ACLY: variants seen among roughly 807,000 people sequenced by gnomAD.
The protein encoded by ACLY is ATP citrate lyase, also known as ATP-citrate synthase.
A neutral mutation model predicts 133.0 loss-of-function variants in ACLY; 41 were observed. The ratio of observed to expected loss-of-function variants is 0.31; its 90% CI spans 0.24 to 0.40. The LOEUF (loss-of-function observed/expected upper bound fraction) is 0.40. Among genes scored for constraint, ACLY ranks in the 10% least tolerant of loss-of-function variants. The probability of loss-of-function intolerance (pLI) is 1.00; values close to 1 mark genes in which losing one functional copy is unlikely to be tolerated. For synonymous variants in ACLY, 495 were observed against 549.3 expected (o/e 0.90, Z 1.38); for missense variants, 1,046 against 1,453.8 (o/e 0.72, Z 4.56).
rs782216342 is a variant in ACLY, at chr17:41,867,873, C to T, written c.3243G>A (p.Gln1081=). 6.2e-7 allele frequency: 1 copy of T among 1,611,208 alleles called. No homozygotes were observed. The highest frequency in any genetic ancestry group is 8.5e-7 in the Non-Finnish European group (1 of 1,178,684). ...CATCCCACGGATGACGATACAGCCCCTGCTTCAGCCTCTTCTGATCAAGAT... is the reference window on the plus strand; with the variant it reads ...CATCCCACGGATGACGATACAGCCCTTGCTTCAGCCTCTTCTGATCAAGAT... The part of the protein sequence containing the change: ...GHYLDQKRLK[Q]GLYRHPWDDI... The change falls in exon 29 of 29, where the codon CAG becomes CAA. Residue 1081 remains glutamine (Q), a synonymous_variant. Coordinates refer to ENST00000352035, the MANE Select transcript of ACLY (RefSeq NM_001096.3).
chr17:41,900,244 T>A (rs1296273002), intron 11 of ACLY, among the ~76,000 whole-genome samples: 1 of 150,254 alleles, frequency 6.7e-6, no homozygotes, highest in African/African-American at 2.5e-5. Context: ...ATGCCTGGAG[T>A]CCCAGCTACT....
intron 15 of ACLY, 40 bp from the exon 16 acceptor site, chr17:41,892,487 T>G (rs782287069): frequency 1.3e-6 from 2 of 1,572,664 alleles, no homozygotes; most frequent in East Asian, 2.3e-5. Flanking sequence ...ATCCTCAACC[T>G]GTCAGGACTG....
rs115844962 is a variant in ACLY, at chr17:41,867,768, A to C, written c.*42T>G. ...TCTGTACACTTTTTCTTGGGGGAAGAGATCTTGTCTTCAGTTTACTGCAGT... is the reference window on the plus strand; with the variant it reads ...TCTGTACACTTTTTCTTGGGGGAAGCGATCTTGTCTTCAGTTTACTGCAGT... On this transcript the variant is annotated 3_prime_UTR_variant, in exon 29 of 29. Coordinates refer to ENST00000352035, the MANE Select transcript of ACLY (RefSeq NM_001096.3). 4.1e-4 allele frequency: 618 copies of C among 1,495,424 alleles called. 5 individuals carry two copies. The African/African-American group carries it at 6.9e-3, about 17-fold the overall frequency. The allele number at this position is 1,495,424 out of a possible 1,614,324, so 92.6% of individuals were successfully genotyped here.
upstream of ACLY, among the ~76,000 whole-genome samples, chr17:41,919,535 C>T (rs1237731586): frequency 3.9e-5 from 6 of 152,202 alleles, no homozygotes; most frequent in Non-Finnish European, 7.3e-5. Context: ...CAAGGCTGAG[C>T]CGAGGCTAAC....
intron 26 of ACLY, 22 bp from the exon 27 acceptor site, chr17:41,869,147 A>T: frequency 1.3e-6 from 2 of 1,584,052 alleles, no homozygotes; most frequent in Non-Finnish European, 8.6e-7. Context: ...AAAAAATTCA[A>T]AGCATTTATC....
chr17:41,893,242 C>G, intron 14 of ACLY, 68 bp from the exon 15 acceptor site: 1 of 1,527,276 alleles, frequency 6.5e-7, no homozygotes, highest in Non-Finnish European at 8.8e-7. Context: ...GGGGCCAGGG[C>G]TGCCTGACAG....
chr17:41,883,367 T>TC, intron 19 of ACLY, 135 bp from the exon 20 acceptor site: 1 of 665,918 alleles, frequency 1.5e-6, no homozygotes, highest in Non-Finnish European at 2.6e-6. Context: ...ACAAGGAAGA[T>TC]TTCTAAAGGA....
At chr17:41,878,033 C>G in intron 22 of ACLY, 70 bp downstream of exon 22, 2 of 1,136,408 alleles carry the variant, frequency 1.8e-6, no homozygotes, top group Non-Finnish European at 2.4e-6. Context: ...GGCAAATCAA[C>G]GCGAAACCCA....
chr17:41,902,766 T>C (rs768836619), intron 10 of ACLY, among the ~76,000 whole-genome samples: 2 of 152,212 alleles, frequency 1.3e-5, no homozygotes, highest in Non-Finnish European at 2.9e-5. Flanking sequence ...CCCAGATTTG[T>C]CTGTTAAATC....
At position 41,887,680 on chromosome 17, in the gene ACLY, A is replaced by G. The variant is rs1555628510; in HGVS notation, c.1794T>C (p.Ala598=). 1.9e-6 allele frequency: 3 copies of G among 1,613,684 alleles called. No homozygotes were observed. The South Asian group carries it at 3.3e-5, about 18-fold the overall frequency. The change falls in exon 17 of 29, where the codon GCT becomes GCC. Residue 598 remains alanine, a synonymous_variant. Transcript: ENST00000352035. ...YAQIRTIAII[A]EGIPEALTRK... Reference sequence around the variant, plus strand: ...TCGTGAGGGCCTCAGGGATGCCTTCAGCTATGATGGCGATGGTCCGGATCT... The same window carrying G: ...TCGTGAGGGCCTCAGGGATGCCTTCGGCTATGATGGCGATGGTCCGGATCT...
upstream of ACLY, chr17:41,918,967 G>C (rs782233986): frequency 7.0e-6 from 9 of 1,288,916 alleles, no homozygotes; most frequent in South Asian, 4.9e-5. Context: ...GTAGCTTCCC[G>C]GGATCCGGCT....
chr17:41,905,306 A>G (rs2049680170), intron 9 of ACLY, among the ~76,000 whole-genome samples: 1 of 152,142 alleles, frequency 6.6e-6, no homozygotes, highest in Non-Finnish European at 1.5e-5. Context: ...TTTATCACAC[A>G]TCACCTCTTG....
intron 21 of ACLY, 53 bp from the exon 22 acceptor site, chr17:41,878,249 C>A: frequency 7.7e-7 from 1 of 1,302,468 alleles, no homozygotes; most frequent in Non-Finnish European, 1.0e-6. Context: ...TTTTGGGCTC[C>A]TGTAAGACAT....
At position 41,912,478 on chromosome 17, in the gene ACLY, T is replaced by G. The variant is rs781834702; in HGVS notation, c.224A>C (p.Asn75Thr). The G allele has an allele frequency of 1.2e-5, 19 of 1,614,108 alleles. No individual in the cohort carries two copies. Among genetic ancestry groups the G allele is most frequent in the Non-Finnish European group, 1.4e-5 (16 of 1,180,046 alleles). Residue 75 changes from asparagine to threonine, a missense_variant, in exon 3 of 29, where the codon AAC becomes ACC. This residue lies in a region of ACLY where 227 missense variants were observed against 245.6 expected (regional missense o/e 0.92). Coordinates refer to ENST00000352035, the MANE Select transcript of ACLY (RefSeq NM_001096.3). ...GGACTTGACCCCATCCAGAGTGAGG[T>G]TGACCCCAACGAGACCAAGTTTTCC... Reference protein sequence around the residue: ...RRGKLGLVGVNLTLDGVKSWL... With the variant: ...RRGKLGLVGVTLTLDGVKSWL...
At chr17:41,889,325 C>A (rs1477304868) in intron 16 of ACLY, among the ~76,000 whole-genome samples, 2 of 151,374 alleles carry the variant, frequency 1.3e-5, no homozygotes, top group South Asian at 2.1e-4. Context: ...TCAAGACCAG[C>A]CTGATCAAAA....
intron 3 of ACLY, among the ~76,000 whole-genome samples, chr17:41,911,827 A>T (rs1463452184): frequency 6.6e-6 from 1 of 151,986 alleles, no homozygotes; most frequent in Non-Finnish European, 1.5e-5. Context: ...AAAAAAAAAT[A>T]AAGTAGGCCG....
chr17:41,891,610 T>C (rs1381588538), intron 16 of ACLY, among the ~76,000 whole-genome samples: 1 of 152,056 alleles, frequency 6.6e-6, no homozygotes, highest in African/African-American at 2.4e-5. Flanking sequence ...CTCAAACTCC[T>C]GGGCTCAAGC....
upstream of ACLY, chr17:41,919,110 C>T: frequency 6.0e-6 from 7 of 1,170,910 alleles, no homozygotes; most frequent in South Asian, 9.3e-5. Flanking sequence ...TGGCTCCGCC[C>T]CACGAGGGCG....
intron 1 of ACLY, among the ~76,000 whole-genome samples, chr17:41,930,002 CAGA>C (rs1201993815): frequency 1.3e-5 from 2 of 152,136 alleles, no homozygotes; most frequent in East Asian, 3.8e-4. Flanking sequence ...CGTTGGAGCC[CAGA>C]AGAAGCACCT....
Sources: allele counts gnomAD v4.1 joint callset (sites outside exome capture counted in the v4.1 genomes callset), GRCh38; gene constraint gnomAD v4.1.1; regional missense constraint gnomAD v4.1.1; transcripts MANE v1.5; gene names NCBI Gene and HGNC (gene_info 2026-07-23, HGNC 2026-07-21).